HDLBP: variants seen among roughly 807,000 people sequenced by gnomAD.
The protein encoded by HDLBP is high density lipoprotein binding protein, also known as vigilin.
HDLBP carries 30 observed loss-of-function variants against 137.3 expected under a neutral mutation model. That is an observed-to-expected ratio of 0.22 (90% CI 0.16 to 0.30). HDLBP has a LOEUF of 0.30. Ranked by LOEUF, HDLBP falls within the 10% of genes least tolerant of loss-of-function variation. The pLI is 1.00. For synonymous variants in HDLBP, 606 were observed against 596.0 expected (o/e 1.02, Z -0.24); for missense variants, 1,119 against 1,667.3 (o/e 0.67, Z 5.73).
intron 1 of HDLBP, among the ~76,000 whole-genome samples, chr2:241,303,576 C>T (rs756484309): frequency 6.6e-6 from 1 of 152,174 alleles, no homozygotes; most frequent in Non-Finnish European, 1.5e-5. Context: ...CCCTGGATCG[C>T]AAGTTTGTTA....
chr2:241,264,390 A>T (rs908741924), intron 4 of HDLBP, 58 bp downstream of exon 4: 2 of 1,335,788 alleles, frequency 1.5e-6, no homozygotes, highest in African/African-American at 3.0e-5. Flanking sequence ...AAAAATTTAA[A>T]AATTTACATA....
chr2:241,297,588 C>T (rs2075227878), intron 1 of HDLBP, among the ~76,000 whole-genome samples: 1 of 152,084 alleles, frequency 6.6e-6, no homozygotes, highest in Non-Finnish European at 1.5e-5. Context: ...AGTAACACTC[C>T]AGCAACCTAG....
At chr2:241,285,515 A>C (rs1453789582) in intron 1 of HDLBP, among the ~76,000 whole-genome samples, 1 of 152,212 alleles carries the variant, frequency 6.6e-6, no homozygotes, top group Non-Finnish European at 1.5e-5. Context: ...TGATGTCATG[A>C]GCAGAGTGCC....
intron 23 of HDLBP, 88 bp from the exon 24 acceptor site, chr2:241,234,051 T>G (rs2070108175): frequency 2.7e-6 from 4 of 1,456,020 alleles, no homozygotes; most frequent in Non-Finnish European, 3.8e-6. Flanking sequence ...CATAGGACAC[T>G]GGAGATGCTG....
chr2:241,281,069 T>C (rs965867533), intron 1 of HDLBP, among the ~76,000 whole-genome samples: 13 of 152,288 alleles, frequency 8.5e-5, no homozygotes, highest in African/African-American at 2.9e-4. Flanking sequence ...CTTAATAAGA[T>C]GGGGGGCTGG....
At chr2:241,310,367 G>A (rs559110002) in intron 1 of HDLBP, among the ~76,000 whole-genome samples, 1 of 152,164 alleles carries the variant, frequency 6.6e-6, no homozygotes, top group East Asian at 1.9e-4. Flanking sequence ...ACAGCACGGT[G>A]AATATAGTAA....
At chr2:241,278,875 C>T (rs2074493008) in intron 1 of HDLBP, among the ~76,000 whole-genome samples, 1 of 151,718 alleles carries the variant, frequency 6.6e-6, no homozygotes, top group Non-Finnish European at 1.5e-5. Flanking sequence ...AAAAATAAAT[C>T]TAAGCCGGGT....
chr2:241,266,277 G>A (rs1327533106), intron 3 of HDLBP, among the ~76,000 whole-genome samples: 1 of 152,122 alleles, frequency 6.6e-6, no homozygotes, highest in East Asian at 1.9e-4. Context: ...ACATATTGGG[G>A]TAAAATATCA....
intron 1 of HDLBP, among the ~76,000 whole-genome samples, chr2:241,276,986 TAAAAA>T (rs757786857): frequency 1.9e-3 from 250 of 129,892 alleles, no homozygotes; most frequent in Non-Finnish European, 3.4e-3. Flanking sequence ...GGCCAGGAGC[TAAAAA>T]AAAAAAAAAA....
At chr2:241,304,788 T>C (rs1490262148) in intron 1 of HDLBP, among the ~76,000 whole-genome samples, 1 of 152,172 alleles carries the variant, frequency 6.6e-6, no homozygotes, top group East Asian at 1.9e-4. Flanking sequence ...CCCTGAGCTT[T>C]AGAGAAGCCC....
intron 1 of HDLBP, among the ~76,000 whole-genome samples, chr2:241,312,348 T>G (rs1017239058): frequency 6.6e-6 from 1 of 152,344 alleles, no homozygotes; most frequent in African/African-American, 2.4e-5. Context: ...AATAGCCTAC[T>G]AGGGATTTCA....
chr2:241,277,978 C>G (rs998287221), intron 1 of HDLBP, among the ~76,000 whole-genome samples: 3 of 151,878 alleles, frequency 2.0e-5, no homozygotes, highest in African/African-American at 7.3e-5. Flanking sequence ...AACCAAAAAA[C>G]AACAACAACA....
intron 21 of HDLBP, 31 bp downstream of exon 21, chr2:241,236,584 G>T (rs200553559): frequency 1.2e-6 from 2 of 1,607,968 alleles, no homozygotes; most frequent in African/African-American, 1.3e-5. Context: ...GGGCCTTGGC[G>T]GGGGGTGGAG....
At chr2:241,249,783 A>AG in intron 12 of HDLBP, 58 bp downstream of exon 12, 2 of 1,509,680 alleles carry the variant, frequency 1.3e-6, no homozygotes, top group South Asian at 1.3e-5. Flanking sequence ...TACTCCTTAG[A>AG]GGGGGCCAAG....
At chr2:241,281,868 A>G (rs1381549223) in intron 1 of HDLBP, among the ~76,000 whole-genome samples, 2 of 152,238 alleles carry the variant, frequency 1.3e-5, no homozygotes, top group African/African-American at 4.8e-5. Flanking sequence ...GGAAAATTTT[A>G]AATATATGTG....
Position 241,264,615 on chromosome 2 carries a change from C to T in HDLBP, c.77-10G>A. 1 of 1,612,136 alleles carries T rather than the reference C, an allele frequency of 6.2e-7. No homozygotes were observed. Among genetic ancestry groups the T allele is most frequent in the Non-Finnish European group, 8.5e-7 (1 of 1,178,874 alleles). ...GAATTTAGAGTGGCAACTGGACCAG[C>T]CAACACAGATTAAAAGGAAGCACTA... On this transcript the variant is annotated splice_polypyrimidine_tract_variant and intron_variant, in intron 3 of 27. Coordinates refer to ENST00000310931, the MANE Select transcript of HDLBP (RefSeq NM_005336.6).
In HDLBP at chr2:241,266,168, T is replaced by C. The variant is rs6437252; in HGVS notation, c.76+626A>G. Among the ~76,000 whole-genome samples the C allele has an allele frequency of 7.9e-5, 12 of 152,330 alleles. 1 individual carries two copies. Among genetic ancestry groups the C allele is most frequent in the African/African-American group, 2.6e-4 (11 of 41,572 alleles). On this transcript the variant is annotated intron_variant, in intron 3 of 27. Coordinates refer to ENST00000310931, the MANE Select transcript of HDLBP (RefSeq NM_005336.6). ...TCAAATGGAAGGAAATGTCCCACCG[T>C]TGTAAATACACATCAGACTTCGAAG...
chr2:241,229,649 A>G lies in HDLBP; in HGVS notation c.3759T>C (p.Phe1253=). 2 of 1,614,142 alleles carry G rather than the reference A, an allele frequency of 1.2e-6. No homozygotes were observed. The highest frequency in any genetic ancestry group is 8.5e-7 in the Non-Finnish European group (1 of 1,180,026). The change falls in exon 28 of 28, where the codon TTT becomes TTC. Residue 1253 remains phenylalanine, a synonymous_variant. Coordinates refer to ENST00000310931, the MANE Select transcript of HDLBP (RefSeq NM_005336.6). ...DMSSSEEFPS[F]GAQVAPKTLP... ...GGGTCTTGGGAGCCACCTGAGCCCC[A>G]AAGCTGGGAAATTCCTCAGAGCTGC...
chr2:241,274,163 G>C (rs1029480553), intron 1 of HDLBP, among the ~76,000 whole-genome samples: 1 of 152,196 alleles, frequency 6.6e-6, no homozygotes, highest in Non-Finnish European at 1.5e-5. Flanking sequence ...TGCCCTGACT[G>C]GGCAGGTGGG....
Sources: allele counts gnomAD v4.1 joint callset (sites outside exome capture counted in the v4.1 genomes callset), GRCh38; gene constraint gnomAD v4.1.1; transcripts MANE v1.5; gene names NCBI Gene and HGNC (gene_info 2026-07-23, HGNC 2026-07-21).